The following GREB1 variants were observed in gnomAD, a reference collection of about 807,000 sequenced individuals.
GREB1 encodes the protein growth regulating estrogen receptor binding 1.
GREB1 carries 106 observed loss-of-function variants against 200.7 expected under a neutral mutation model. That is an observed-to-expected ratio of 0.53 (90% CI 0.45 to 0.62). GREB1 has a LOEUF of 0.62. Ranked by LOEUF, GREB1 falls within the 20% of genes least tolerant of loss-of-function variation. The pLI, the probability that GREB1 is intolerant of heterozygous loss-of-function variation, is 0.00. For synonymous variants in GREB1, 1,132 were observed against 1,092.4 expected (o/e 1.04, Z -0.72); for missense variants, 2,243 against 2,556.8 (o/e 0.88, Z 2.65).
chr2:11,606,969 G>C (rs929797840), intron 17 of GREB1, among the ~76,000 whole-genome samples: 1 of 151,876 alleles, frequency 6.6e-6, no homozygotes, highest in African/African-American at 2.4e-5. Context: ...TTTTAGTAGA[G>C]ACAGGGTTTC....
rs983057471 is a variant in GREB1, at chr2:11,492,572, C to G, written c.-159+10191C>G. On this transcript the variant is annotated intron_variant, in intron 1 of 2. Transcript: ENST00000628795. The surrounding 1 kb of genome is among the most constrained non-coding windows in gnomAD (Gnocchi z 4.0). ...CTGTGAGACCCTGACCTGGGTCCCC[C>G]CTGAGCTGAGTTCCCACTCACTGGG... Among the ~76,000 whole-genome samples, 1 of 152,172 alleles carries G rather than the reference C, an allele frequency of 6.6e-6. No homozygotes were observed. The highest frequency in any genetic ancestry group is 1.5e-5 in the Non-Finnish European group (1 of 68,036).
rs1224886236 is a variant in GREB1 at position 11,624,307 on chromosome 2, C to T, written c.4148-847C>T. On this transcript the variant is annotated intron_variant, in intron 23 of 32. Transcript: ENST00000381486. ...TTTTACATTTTTTATACCATATTTC[C>T]CCCATGCCTTTTCTATGTTTAGATA... is the stretch of plus-strand genomic sequence containing the variant. Among the ~76,000 whole-genome samples, 5 of 151,482 alleles carry T rather than the reference C, an allele frequency of 3.3e-5. No individual in the cohort carries two copies. In the South Asian group the frequency reaches 8.3e-4, roughly 25 times the overall value.
At position 11,630,050 on chromosome 2, in the gene GREB1, G is replaced by A. The variant is rs1027495692; in HGVS notation, c.4552G>A (p.Val1518Ile). 6.2e-7 allele frequency: 1 copy of A among 1,614,198 alleles called. No individual in the cohort carries two copies. The highest frequency in any genetic ancestry group is 1.3e-5 in the African/African-American group (1 of 75,044). ...IIPKSKEHHF[V>I]FSQPGGQLES... is the part of the protein sequence containing the mutation. The stretch of plus-strand genomic sequence containing the variant: ...CCCCAAGTCCAAGGAGCACCACTTT[G>A]TCTTCAGCCAACCTGGAGGCCAGCT... Residue 1518 changes from valine (V) to isoleucine (I), a missense_variant, in exon 26 of 33, where the codon GTC (valine) becomes ATC (isoleucine). Coordinates refer to ENST00000381486, the MANE Select transcript of GREB1 (RefSeq NM_014668.4).
chr2:11,598,563 C>A, intron 14 of GREB1, 117 bp from the exon 15 acceptor site: 1 of 869,854 alleles, frequency 1.1e-6, no homozygotes, highest in East Asian at 2.4e-5. Context: ...CCTGCTCTTG[C>A]ATCTCTGAGT....
intron 10 of GREB1, 59 bp downstream of exon 10, chr2:11,588,990 C>T (rs111455475): frequency 7.0e-7 from 1 of 1,418,788 alleles, no homozygotes. Flanking sequence ...CGAGCACAGA[C>T]CTGGCCTCGG....
chr2:11,580,918 G>A lies in GREB1; in HGVS notation c.901+86G>A, dbSNP rs1408843885. ...GGGGCATGGGAGCTGCTGGGCTGGGGCCGCTGAGCCTCCTGGAGTCTGATG... is the reference window on the plus strand; with the variant it reads ...GGGGCATGGGAGCTGCTGGGCTGGGACCGCTGAGCCTCCTGGAGTCTGATG... On this transcript the variant is annotated intron_variant, in intron 7 of 32. Coordinates refer to ENST00000381486, the MANE Select transcript of GREB1 (RefSeq NM_014668.4). The surrounding 1 kb of genome is among the most constrained non-coding windows in gnomAD (Gnocchi z 4.5). The A allele has an allele frequency of 1.3e-6, 2 of 1,525,626 alleles. No individual in the cohort carries two copies. Among genetic ancestry groups the A allele is most frequent in the Admixed American group, 1.8e-5 (1 of 57,096 alleles). The allele number at this position is 1,525,626 out of a possible 1,614,324, so 94.5% of individuals were successfully genotyped here.
At position 11,597,366 on chromosome 2, in the gene GREB1, C is replaced by CT. The variant is rs1262358319; in HGVS notation, c.1955-414dup. ...CTATGCCAATTTCCTGCCTCTGAGT[C>CT]TGTTGCTGATGTTTTTTATTCATAC... On this transcript the variant is annotated intron_variant, in intron 13 of 32. Transcript: ENST00000381486. The surrounding 1 kb of genome is among the most constrained non-coding windows in gnomAD (Gnocchi z 4.1). 1.3e-5 allele frequency among the ~76,000 whole-genome samples: 2 copies of CT among 152,098 alleles called. No homozygotes were observed. Among genetic ancestry groups the CT allele is most frequent in the African/African-American group, 4.8e-5 (2 of 41,372 alleles).
intron 23 of GREB1, among the ~76,000 whole-genome samples, chr2:11,621,312 G>A (rs1683996800): frequency 6.6e-6 from 1 of 152,176 alleles, no homozygotes; most frequent in African/African-American, 2.4e-5. Context: ...TGAGATAGAT[G>A]TTCCATTCTC....
In GREB1 at chr2:11,556,525, C is replaced by G. The variant is rs1676449238; in HGVS notation, c.-90C>G. 1 of 1,068,108 alleles carries G rather than the reference C, an allele frequency of 9.4e-7. No homozygotes were observed. Among genetic ancestry groups the G allele is most frequent in the East Asian group, 2.5e-5 (1 of 40,432 alleles). The allele number at this position is 1,068,108 out of a possible 1,614,324, so 66.2% of individuals were successfully genotyped here. A position where few individuals can be genotyped will look rare whatever the true frequency, so the allele number is the denominator to read the frequency against. On this transcript the variant is annotated 5_prime_UTR_variant, in exon 2 of 33. Transcript: ENST00000381486. ...AAGGCTACACGGCCCTTCCTCCTTG[C>G]AGCTGTTTCACCTTCTACCTTGCGT...
intron 5 of GREB1, among the ~76,000 whole-genome samples, chr2:11,577,919 G>A (rs1679044170): frequency 6.6e-6 from 1 of 152,236 alleles, no homozygotes; most frequent in East Asian, 1.9e-4. Context: ...CACCTCACTG[G>A]CCGCTGGGGA....
At chr2:11,485,273 G>A (rs531724519) in intron 1 of GREB1, among the ~76,000 whole-genome samples, 3,234 of 66,306 alleles carry the variant, frequency 0.049, 130 homozygotes, top group African/African-American at 0.15. Flanking sequence ...ATATATATAT[G>A]TATTTTTTTT....
intron 1 of GREB1, among the ~76,000 whole-genome samples, chr2:11,537,368 TA>T (rs1674341103): frequency 6.6e-6 from 1 of 152,172 alleles, no homozygotes; most frequent in African/African-American, 2.4e-5. Context: ...TATAATATTA[TA>T]TATGTGCCAG....
chr2:11,618,540 TGTCCTCCTCCTCGGGCTC>T lies in GREB1; in HGVS notation c.3666_3683del (p.Gly1227_Ser1232del), dbSNP rs1229521478. 5 of 1,612,538 alleles carry T rather than the reference TGTCCTCCTCCTCGGGCTC, an allele frequency of 3.1e-6. No individual in the cohort carries two copies. In the African/African-American group the frequency reaches 6.7e-5, roughly 22 times the overall value. Reference sequence around the variant, plus strand: ...TCGGTCACCTCGTCGTGCTCCCAGCTGTCCTCCTCCTCGGGCTCATCCTCCTCATCCGTGGCGCCCGCT... The same window carrying T: ...TCGGTCACCTCGTCGTGCTCCCAGCTATCCTCCTCATCCGTGGCGCCCGCT... On this transcript the variant is annotated inframe_deletion, in exon 22 of 33. Coordinates refer to ENST00000381486, the MANE Select transcript of GREB1 (RefSeq NM_014668.4).
In GREB1 at chr2:11,585,791, G is replaced by A. The variant is rs765993777; in HGVS notation, c.1045G>A (p.Val349Ile). 1.2e-6 allele frequency: 2 copies of A among 1,613,570 alleles called. No individual in the cohort carries two copies. The highest frequency in any genetic ancestry group is 2.2e-5 in the South Asian group (2 of 91,058). ...CGCAGGCATGTCCTGCGTGCCGCAGGTTGGCTTGGTGGGACCAGCTTCAGT... is the reference window on the plus strand; with the variant it reads ...CGCAGGCATGTCCTGCGTGCCGCAGATTGGCTTGGTGGGACCAGCTTCAGT... ...ESAGMSCVPQ[V>I]GLVGPASVTF... The change falls in exon 9 of 33, where the codon GTT becomes ATT. Residue 349 changes from valine (V) to isoleucine (I), a missense_variant. Val to Ile is a conservative substitution (Grantham distance 29, BLOSUM62 3). Coordinates refer to ENST00000381486, the MANE Select transcript of GREB1 (RefSeq NM_014668.4).
chr2:11,562,806 G>A, intron 3 of GREB1: 1 of 423,858 alleles, frequency 2.4e-6, no homozygotes, highest in Non-Finnish European at 4.2e-6. Flanking sequence ...GGATGCTAAG[G>A]CAGGCCTCTG....
At chr2:11,625,932 T>A (rs1684415049) in intron 24 of GREB1, among the ~76,000 whole-genome samples, 1 of 152,124 alleles carries the variant, frequency 6.6e-6, no homozygotes, top group Non-Finnish European at 1.5e-5. Context: ...AGGCACGTCT[T>A]ATATAGCAGC....
chr2:11,612,748 T>C, intron 19 of GREB1, 138 bp downstream of exon 19: 1 of 593,158 alleles, frequency 1.7e-6, no homozygotes. Flanking sequence ...GGGTGGGGCC[T>C]TCATCGTGGC....
At chr2:11,625,371 G>A in intron 24 of GREB1, 59 bp downstream of exon 24, 1 of 1,522,002 alleles carries the variant, frequency 6.6e-7, no homozygotes. Context: ...CCTCTTAAAG[G>A]GATGAGCTGG....
chr2:11,612,794 T>C (rs1683054756), intron 19 of GREB1, among the ~76,000 whole-genome samples, 184 bp downstream of exon 19: 1 of 152,230 alleles, frequency 6.6e-6, no homozygotes, highest in East Asian at 1.9e-4. Flanking sequence ...CTGAGGCCCG[T>C]GCCCCTTCTC....
Sources: allele counts gnomAD v4.1 joint callset (sites outside exome capture counted in the v4.1 genomes callset), GRCh38; gene constraint gnomAD v4.1.1; non-coding constraint Gnocchi (gnomAD v3.1); transcripts MANE v1.5; gene names NCBI Gene and HGNC (gene_info 2026-07-23, HGNC 2026-07-21).